SWAP70: variants seen among roughly 807,000 people sequenced by gnomAD.
SWAP70 encodes switch-associated protein 70.
A neutral mutation model predicts 80.2 loss-of-function variants in SWAP70; 34 were observed. The ratio of observed to expected loss-of-function variants is 0.42; its 90% CI spans 0.32 to 0.56. SWAP70 has a LOEUF of 0.56. Ranked by LOEUF, SWAP70 falls within the 20% of genes least tolerant of loss-of-function variation. The pLI is 0.09. For missense variants in SWAP70, 578 were observed against 690.7 expected (o/e 0.84, Z 1.83); for synonymous variants, 239 against 238.5 (o/e 1.00, Z -0.02).
rs1851551556 is a variant in SWAP70 at position 9,749,149 on chromosome 11, C to T, written c.1617C>T (p.Ala539=). 6 of 1,612,382 alleles carry T rather than the reference C, an allele frequency of 3.7e-6. No individual in the cohort carries two copies. Among genetic ancestry groups the T allele is most frequent in the Non-Finnish European group, 5.1e-6 (6 of 1,178,994 alleles). ...CCAAGAGCTGGAAGGACAAAGTGGC[C>T]CATCATGAAGGATTAATTCGACTGA... ...NKTKSWKDKV[A]HHEGLIRLIE... is the part of the protein sequence containing the mutation. Residue 539 remains alanine (A), a synonymous_variant, in exon 11 of 12, where the codon GCC becomes GCT. Transcript: ENST00000318950.
intron 1 of SWAP70, among the ~76,000 whole-genome samples, chr11:9,671,445 T>C (rs1390599354): frequency 3.4e-5 from 3 of 87,622 alleles, no homozygotes; most frequent in African/African-American, 1.3e-4. Flanking sequence ...TATATAAAAA[T>C]ATATTTATAA....
chr11:9,687,710 ATCTG>A (rs370271647), intron 1 of SWAP70, among the ~76,000 whole-genome samples: 42 of 152,178 alleles, frequency 2.8e-4, no homozygotes, highest in African/African-American at 9.6e-4. Flanking sequence ...CTTTTCCTTA[ATCTG>A]TCTGTAAGTG....
intron 1 of SWAP70, chr11:9,681,055 G>C (rs1329432017): frequency 6.4e-6 from 1 of 156,804 alleles, no homozygotes; most frequent in East Asian, 1.9e-4. Context: ...CCAATGCTGT[G>C]TGCTCAGTCA....
chr11:9,699,874 A>G (rs867152920), intron 2 of SWAP70, among the ~76,000 whole-genome samples: 103 of 148,874 alleles, frequency 6.9e-4, no homozygotes, highest in Middle Eastern at 3.5e-3. Flanking sequence ...GTGTATATAT[A>G]TATATATATA....
At position 9,747,942 on chromosome 11, in the gene SWAP70, G is replaced by A. The variant is rs777174627; in HGVS notation, c.1440G>A (p.Ala480=). 5.6e-6 allele frequency: 9 copies of A among 1,614,050 alleles called. No homozygotes were observed. The highest frequency in any genetic ancestry group is 1.7e-5 in the Admixed American group (1 of 59,998). ...EQQQAIQTTE[A]EKQELENQRV... is the part of the protein sequence containing the mutation. ...AGCAGGCCATTCAGACAACCGAGGC[G>A]GAGAAGCAGGAGTTGGAGAATCAGC... The change falls in exon 10 of 12, where the codon GCG becomes GCA. Residue 480 remains alanine (A), a synonymous_variant. Coordinates refer to ENST00000318950, the MANE Select transcript of SWAP70 (RefSeq NM_015055.4).
intron 4 of SWAP70, chr11:9,726,752 G>A (rs1054931765): frequency 1.6e-5 from 6 of 380,108 alleles, no homozygotes; most frequent in Non-Finnish European, 2.6e-5. Flanking sequence ...AAGGGCTTTG[G>A]CCTATAATAA....
rs897778107 is a variant in SWAP70 at position 9,743,884 on chromosome 11, TA to T, written c.1355+3546del. Among the ~76,000 whole-genome samples, 13 of 151,024 alleles carry T rather than the reference TA, an allele frequency of 8.6e-5. No homozygotes were observed. In the South Asian group the frequency reaches 1.0e-3, roughly 12 times the overall value. On this transcript the variant is annotated intron_variant, in intron 9 of 11. Coordinates refer to ENST00000318950, the MANE Select transcript of SWAP70 (RefSeq NM_015055.4). Reference sequence around the variant, plus strand: ...TCAGTCTCTTAAAAAGACAGTGTCTTAAAAAAAAAGAGAAACTTTTTATAGT... The same window carrying T: ...TCAGTCTCTTAAAAAGACAGTGTCTTAAAAAAAAGAGAAACTTTTTATAGT...
intron 1 of SWAP70, among the ~76,000 whole-genome samples, chr11:9,693,703 G>T (rs1850721349): frequency 6.6e-6 from 1 of 152,108 alleles, no homozygotes; most frequent in Admixed American, 6.5e-5. Flanking sequence ...CAGCCTCCTT[G>T]TCCAGAACCC....
chr11:9,706,484 A>G (rs963029954), intron 2 of SWAP70, among the ~76,000 whole-genome samples: 4 of 152,220 alleles, frequency 2.6e-5, no homozygotes, highest in African/African-American at 9.6e-5. Context: ...GCATAATAAA[A>G]TGAACATCTG....
At chr11:9,671,752 A>T (rs1343950787) in intron 1 of SWAP70, among the ~76,000 whole-genome samples, 1 of 60,508 alleles carries the variant, frequency 1.7e-5, no homozygotes, top group East Asian at 3.9e-4. Context: ...AGAAATATAA[A>T]TATATAAATA....
At chr11:9,710,059 G>T (rs968865067) in intron 2 of SWAP70, among the ~76,000 whole-genome samples, 12 of 152,098 alleles carry the variant, frequency 7.9e-5, no homozygotes, top group African/African-American at 2.9e-4. Context: ...GTAGGCTGAG[G>T]AAGAGGCGGA....
intron 3 of SWAP70, among the ~76,000 whole-genome samples, chr11:9,719,093 C>CAAAAAAAAAA (rs3049796): frequency 1.0e-5 from 1 of 95,722 alleles, no homozygotes. Flanking sequence ...GACACTGAAT[C>CAAAAAAAAAA]AAAAAAAAAA....
chr11:9,710,447 C>T (rs193196676), intron 2 of SWAP70, among the ~76,000 whole-genome samples: 1 of 152,048 alleles, frequency 6.6e-6, no homozygotes, highest in East Asian at 1.9e-4. Flanking sequence ...CACAAAGGAG[C>T]TCTTTCTACT....
chr11:9,725,544 TA>T (rs1851201687), intron 4 of SWAP70, among the ~76,000 whole-genome samples: 3 of 8,824 alleles, frequency 3.4e-4, no homozygotes, highest in African/African-American at 1.0e-3. Flanking sequence ...TATATATATA[TA>T]TATATATATA....
At chr11:9,695,797 G>A (rs1354847150) in intron 2 of SWAP70, among the ~76,000 whole-genome samples, 1 of 151,800 alleles carries the variant, frequency 6.6e-6, no homozygotes, top group Admixed American at 6.6e-5. Context: ...CATATATACT[G>A]GCAATAGTTG....
chr11:9,734,675 T>G (rs941296872), intron 7 of SWAP70, among the ~76,000 whole-genome samples: 7 of 152,228 alleles, frequency 4.6e-5, no homozygotes, highest in African/African-American at 1.7e-4. Flanking sequence ...GGTCCCGCTC[T>G]GTTGTTCAGG....
rs567793877 is a variant in SWAP70, at chr11:9,740,186, A to C, written c.1194A>C (p.Arg398Ser). Reference protein sequence around the residue: ...STELEREKLIRQQMEEQVAQK... With the variant: ...STELEREKLISQQMEEQVAQK... ...AGACCCTTTTATACCAACAGATCAG[A>C]CAGCAGATGGAAGAACAGGTTGCTC... Residue 398 changes from arginine to serine, a missense_variant, in exon 9 of 12, where the codon AGA becomes AGC. Transcript: ENST00000318950. The C allele has an allele frequency of 6.2e-7, 1 of 1,613,780 alleles. No individual in the cohort carries two copies. Among genetic ancestry groups the C allele is most frequent in the Non-Finnish European group, 8.5e-7 (1 of 1,179,888 alleles).
At chr11:9,674,531 C>T (rs1007197827) in intron 1 of SWAP70, among the ~76,000 whole-genome samples, 2 of 151,958 alleles carry the variant, frequency 1.3e-5, no homozygotes, top group Admixed American at 6.6e-5. Context: ...GAGACTTTAT[C>T]TCTACAAAAA....
chr11:9,706,346 T>A (rs943700796), intron 2 of SWAP70, among the ~76,000 whole-genome samples: 45 of 148,812 alleles, frequency 3.0e-4, no homozygotes, highest in African/African-American at 1.1e-3. Context: ...TACTTGGTGA[T>A]CTGTATACAC....
Sources: allele counts gnomAD v4.1 joint callset (sites outside exome capture counted in the v4.1 genomes callset), GRCh38; gene constraint gnomAD v4.1.1; transcripts MANE v1.5; gene names NCBI Gene and HGNC (gene_info 2026-07-23, HGNC 2026-07-21).